Variants in ASIC2 observed in about 807,000 individuals in gnomAD.
ASIC2 encodes acid-sensing ion channel 2.
ASIC2 carries 25 observed loss-of-function variants against 57.3 expected under a neutral mutation model. That is an observed-to-expected ratio of 0.44 (90% CI 0.32 to 0.61). ASIC2 has a LOEUF of 0.61. ASIC2 is among the 20% of genes least tolerant of loss of function. ASIC2 has a pLI of 0.06. For synonymous variants in ASIC2, 319 were observed against 307.5 expected (o/e 1.04, Z -0.39); for missense variants, 641 against 738.1 (o/e 0.87, Z 1.52).
chr17:33,192,923 AC>A (rs1336092311), intron 1 of ASIC2, among the ~76,000 whole-genome samples: 1 of 152,198 alleles, frequency 6.6e-6, no homozygotes, highest in Non-Finnish European at 1.5e-5. Context: ...TGGAAAAAAT[AC>A]CTCTGGCCAT....
intron 1 of ASIC2, among the ~76,000 whole-genome samples, chr17:33,751,589 C>T (rs1910433794): frequency 6.6e-6 from 1 of 152,040 alleles, no homozygotes. Context: ...TCCTAACATA[C>T]CAATGTATAT....
At chr17:33,891,165 G>C (rs561396180) in intron 1 of ASIC2, among the ~76,000 whole-genome samples, 1 of 152,290 alleles carries the variant, frequency 6.6e-6, no homozygotes, top group East Asian at 1.9e-4. Flanking sequence ...ATCTGAACAG[G>C]GAATTAGTCC....
intron 1 of ASIC2, among the ~76,000 whole-genome samples, chr17:34,077,874 C>T (rs1254972369): frequency 3.3e-5 from 5 of 152,094 alleles, no homozygotes; most frequent in Non-Finnish European, 7.4e-5. Context: ...TGGCTCCCAG[C>T]GACCCCAGAA....
intron 1 of ASIC2, among the ~76,000 whole-genome samples, chr17:33,385,039 A>G (rs1250856203): frequency 6.6e-6 from 1 of 152,234 alleles, no homozygotes; most frequent in Non-Finnish European, 1.5e-5. Flanking sequence ...GGCTTGAGCA[A>G]GACATTAACC....
At chr17:33,749,785 G>A (rs1332868579) in intron 1 of ASIC2, among the ~76,000 whole-genome samples, 1 of 152,272 alleles carries the variant, frequency 6.6e-6, no homozygotes, top group East Asian at 1.9e-4. Flanking sequence ...GCTCAGGCCT[G>A]TTCTATTTCT....
chr17:33,356,440 G>T (rs1296966173), intron 1 of ASIC2, among the ~76,000 whole-genome samples: 1 of 152,120 alleles, frequency 6.6e-6, no homozygotes, highest in Non-Finnish European at 1.5e-5. Context: ...CAAGAGGAAA[G>T]GCATTCATGC....
chr17:33,852,992 C>A (rs978940470), intron 1 of ASIC2, among the ~76,000 whole-genome samples: 35 of 152,212 alleles, frequency 2.3e-4, no homozygotes, highest in African/African-American at 8.2e-4. Context: ...GCCTTTCCCC[C>A]CCGTCATAGA....
chr17:33,100,899 T>A (rs2092209624), intron 2 of ASIC2, among the ~76,000 whole-genome samples: 2 of 152,276 alleles, frequency 1.3e-5, no homozygotes, highest in Non-Finnish European at 2.9e-5. Flanking sequence ...ACACTTAGCA[T>A]GTGCATTACG....
At chr17:33,127,387 C>T (rs1466742270) in intron 1 of ASIC2, among the ~76,000 whole-genome samples, 1 of 152,154 alleles carries the variant, frequency 6.6e-6, no homozygotes, top group East Asian at 1.9e-4. Context: ...CTAAGATTTG[C>T]ACTTGAGCAT....
At chr17:33,804,574 G>A (rs1228796849) in intron 1 of ASIC2, among the ~76,000 whole-genome samples, 1 of 152,218 alleles carries the variant, frequency 6.6e-6, no homozygotes, top group African/African-American at 2.4e-5. Context: ...GCTGGGTGGA[G>A]CCCAAGCTTT....
intron 1 of ASIC2, among the ~76,000 whole-genome samples, chr17:33,187,911 AAAAAAAAG>A (rs931909553): frequency 6.6e-6 from 1 of 151,460 alleles, no homozygotes; most frequent in African/African-American, 2.4e-5. Flanking sequence ...GGATGAAAAA[AAAAAAAAG>A]AAAAAAAGAA....
chr17:34,085,453 A>G (rs1039529049), intron 1 of ASIC2, among the ~76,000 whole-genome samples: 10 of 152,200 alleles, frequency 6.6e-5, no homozygotes, highest in African/African-American at 1.9e-4. Flanking sequence ...TATTTTATTG[A>G]CGATTTTTGC....
At chr17:33,573,068 G>A (rs190209560) in intron 1 of ASIC2, among the ~76,000 whole-genome samples, 16 of 152,266 alleles carry the variant, frequency 1.1e-4, no homozygotes, top group Middle Eastern at 3.4e-3. Flanking sequence ...TTCCCAAAAC[G>A]CACAGGTGCC....
intron 1 of ASIC2, among the ~76,000 whole-genome samples, chr17:33,422,577 C>G (rs1429852405): frequency 2.0e-5 from 3 of 152,140 alleles, no homozygotes; most frequent in African/African-American, 7.2e-5. Context: ...CCAGTAGAGT[C>G]TCTCCAACTC....
At chr17:33,515,707 C>G (rs778764799) in intron 1 of ASIC2, among the ~76,000 whole-genome samples, 1 of 152,208 alleles carries the variant, frequency 6.6e-6, no homozygotes, top group African/African-American at 2.4e-5. Context: ...TAGCCCTGCC[C>G]GTGGCTCCTA....
At chr17:33,247,621 C>T (rs775184724) in intron 1 of ASIC2, among the ~76,000 whole-genome samples, 3 of 152,154 alleles carry the variant, frequency 2.0e-5, no homozygotes, top group South Asian at 2.1e-4. Context: ...AGAGTCTACC[C>T]GTGTCTACTC....
chr17:33,746,347 T>A (rs1448764912), intron 1 of ASIC2, among the ~76,000 whole-genome samples: 1 of 148,828 alleles, frequency 6.7e-6, no homozygotes, highest in East Asian at 2.0e-4. Flanking sequence ...TATACATACA[T>A]GTATCTACCT....
At chr17:33,753,253 G>A (rs1417321276) in intron 1 of ASIC2, among the ~76,000 whole-genome samples, 2 of 152,076 alleles carry the variant, frequency 1.3e-5, no homozygotes, top group Non-Finnish European at 2.9e-5. Context: ...TCTGGAAAAG[G>A]CAAAACTATG....
At chr17:33,398,717 C>G (rs1358866391) in intron 1 of ASIC2, among the ~76,000 whole-genome samples, 2 of 152,250 alleles carry the variant, frequency 1.3e-5, no homozygotes, top group Non-Finnish European at 2.9e-5. Context: ...TTGGTCTTCA[C>G]AAAATCCTTC....
Sources: allele counts gnomAD v4.1 joint callset (sites outside exome capture counted in the v4.1 genomes callset), GRCh38; gene constraint gnomAD v4.1.1; transcripts MANE v1.5; gene names NCBI Gene and HGNC (gene_info 2026-07-23, HGNC 2026-07-21).